Variants in SLC3A2 observed in about 807,000 individuals in gnomAD.
SLC3A2 encodes the protein solute carrier family 3 member 2, also known as amino acid transporter heavy chain SLC3A2.
SLC3A2 carries 32 observed loss-of-function variants against 48.5 expected under a neutral mutation model. That is an observed-to-expected ratio of 0.66 (90% CI 0.50 to 0.89). The LOEUF (loss-of-function observed/expected upper bound fraction) is 0.89, where lower values mean the gene tolerates loss of function less well. Among genes scored for constraint, SLC3A2 ranks in the 40% least tolerant of loss-of-function variants. The probability of loss-of-function intolerance (pLI) is 0.00; values close to 1 mark genes in which losing one functional copy is unlikely to be tolerated. For missense variants in SLC3A2, 587 were observed against 680.7 expected (o/e 0.86, Z 1.53); for synonymous variants, 277 against 288.8 (o/e 0.96, Z 0.41).
At chr11:62,884,847 T>C (rs1369043382) in intron 5 of SLC3A2, among the ~76,000 whole-genome samples, 157 bp downstream of exon 5, 1 of 84,636 alleles carries the variant, frequency 1.2e-5, no homozygotes, top group African/African-American at 3.7e-5. Flanking sequence ...TTTTTTTTTT[T>C]TGAGATGGAG....
Position 62,874,602 on chromosome 11 carries a change from G to A in SLC3A2, c.113-6417G>A, listed in dbSNP as rs576529110. Among the ~76,000 whole-genome samples the A allele has an allele frequency of 5.3e-5, 8 of 152,210 alleles. No homozygotes were observed. In the East Asian group the frequency reaches 1.3e-3, roughly 26 times the overall value. On this transcript the variant is annotated intron_variant, in intron 1 of 9. Coordinates refer to the SLC3A2 transcript ENST00000377889. ...ACAGGTCTCTTCTTTAGCAGCCAGT[G>A]TCCCTCCTATAGGATTCATAGTAAC...
chr11:62,870,727 T>TA (rs779131845), intron 1 of SLC3A2: 140 of 147,972 alleles, frequency 9.5e-4, no homozygotes, highest in African/African-American at 1.6e-3. Flanking sequence ...TTATTATTAT[T>TA]TTTTTTTTTT....
intron 1 of SLC3A2, chr11:62,870,959 G>T (rs946724978): frequency 3.9e-5 from 6 of 155,332 alleles, no homozygotes; most frequent in Admixed American, 2.0e-4. Flanking sequence ...CTTACTGCAA[G>T]CTCCGCCTCC....
intron 7 of SLC3A2, 124 bp downstream of exon 7, chr11:62,885,732 C>T: frequency 9.3e-7 from 1 of 1,071,112 alleles, no homozygotes; most frequent in Admixed American, 2.2e-5. Flanking sequence ...TAGTCAGTAG[C>T]TGAGTGGCTA....
chr11:62,882,738 C>T (rs962248581), intron 2 of SLC3A2, 170 bp from the exon 3 acceptor site: 11 of 626,826 alleles, frequency 1.8e-5, no homozygotes, highest in South Asian at 1.6e-4. Context: ...TATCTTAAGG[C>T]CCTTCCTTGC....
chr11:62,856,360 C>A (rs1173658006), exon 1 of SLC3A2: 4 of 1,612,316 alleles, frequency 2.5e-6, no homozygotes, highest in Non-Finnish European at 3.4e-6. Flanking sequence ...TGTCCAGGGT[C>A]TCAGCGCGGG....
At chr11:62,856,266 C>T in exon 1 of SLC3A2, 1 of 1,607,374 alleles carries the variant, frequency 6.2e-7, no homozygotes, top group Non-Finnish European at 8.5e-7. Flanking sequence ...CAGGATCCGC[C>T]TCCATGGAGC....
At chr11:62,883,418 T>G (rs2085668446) in intron 3 of SLC3A2, 1 of 194,514 alleles carries the variant, frequency 5.1e-6, no homozygotes, top group East Asian at 1.2e-4. Context: ...TGGGACTCTA[T>G]GCCAAGTATT....
chr11:62,856,207 C>G, exon 1 of SLC3A2: 1 of 1,361,534 alleles, frequency 7.3e-7, no homozygotes, highest in South Asian at 1.3e-5. Flanking sequence ...TGCCTACCCT[C>G]TAACCCTGTT....
chr11:62,883,089 C>A, intron 3 of SLC3A2, 90 bp downstream of exon 3: 1 of 1,202,008 alleles, frequency 8.3e-7, no homozygotes, highest in Non-Finnish European at 1.2e-6. Context: ...AGCCTGACTC[C>A]AGCTGAGGGT....
intron 1 of SLC3A2, among the ~76,000 whole-genome samples, chr11:62,862,683 A>T (rs1202021795): frequency 6.6e-6 from 1 of 152,080 alleles, no homozygotes; most frequent in Non-Finnish European, 1.5e-5. Context: ...AGTTTTTTTC[A>T]GTTTGCCTCT....
At chr11:62,879,923 A>C (rs2085611104), upstream of SLC3A2, among the ~76,000 whole-genome samples, 1 of 152,196 alleles carries the variant, frequency 6.6e-6, no homozygotes, top group Non-Finnish European at 1.5e-5. Flanking sequence ...AGCTGCCTCC[A>C]AGGCCTAACA....
intron 2 of SLC3A2, chr11:62,882,332 G>T: frequency 5.0e-6 from 2 of 401,534 alleles, no homozygotes; most frequent in Non-Finnish European, 4.5e-6. Context: ...TAAACCAGTG[G>T]TTTTAAACTT....
upstream of SLC3A2, among the ~76,000 whole-genome samples, chr11:62,877,434 G>A (rs531561848): frequency 5.3e-5 from 8 of 152,296 alleles, no homozygotes; most frequent in South Asian, 2.1e-4. Flanking sequence ...AAACACTTGC[G>A]AAGTGCCTAC....
At chr11:62,888,292 G>T (rs764939876) in intron 8 of SLC3A2, 39 bp from the exon 9 acceptor site, 114 of 1,608,998 alleles carry the variant, frequency 7.1e-5, no homozygotes, top group Non-Finnish European at 9.4e-5. Flanking sequence ...ACCCAGGGGA[G>T]CCCCTCACAC....
At position 62,881,399 on chromosome 11, in the gene SLC3A2, A is replaced by G; in HGVS notation, c.376A>G (p.Ile126Val). The part of the protein sequence containing the change: ...KWWHTGALYR[I>V]GDLQAFQGHG... ...GTGGCACACGGGCGCCCTCTACCGC[A>G]TCGGCGACCTTCAGGCCTTCCAGGG... The change falls in exon 1 of 9, where the codon ATC becomes GTC. Residue 126 changes from isoleucine (I) to valine (V), a missense_variant. Ile to Val is a conservative substitution (Grantham distance 29, BLOSUM62 3). Transcript: ENST00000338663. The surrounding 1 kb of genome is among the most constrained non-coding windows in gnomAD (Gnocchi z 4.0). The G allele has an allele frequency of 1.3e-6, 2 of 1,595,898 alleles. No homozygotes were observed. The highest frequency in any genetic ancestry group is 2.2e-5 in the East Asian group (1 of 44,628).
Position 62,884,691 on chromosome 11 carries a change from G to A in SLC3A2, c.818+1G>A. 1 of 1,599,384 alleles carries A rather than the reference G, an allele frequency of 6.3e-7. No individual in the cohort carries two copies. Among genetic ancestry groups the A allele is most frequent in the Non-Finnish European group, 8.5e-7 (1 of 1,170,898 alleles). ...TCACCAAGGGCTTCAGTGAAGACAG[G>A]TGGGTGCAGGAGCCATTCTGCTGAC... On this transcript the variant is annotated splice_donor_variant, in intron 5 of 8. Transcript: ENST00000338663. LOFTEE classifies it high-confidence loss of function.
intron 3 of SLC3A2, 120 bp from the exon 4 acceptor site, chr11:62,884,337 C>A: frequency 9.4e-7 from 1 of 1,066,878 alleles, no homozygotes; most frequent in South Asian, 1.3e-5. Flanking sequence ...CCAGGCAAGG[C>A]ACAGGACTCT....
At chr11:62,860,389 C>T (rs1031383224) in intron 1 of SLC3A2, among the ~76,000 whole-genome samples, 6 of 151,068 alleles carry the variant, frequency 4.0e-5, no homozygotes, top group Non-Finnish European at 7.4e-5. Context: ...CCTGTAGTCC[C>T]AGCTACTTGG....
Sources: allele counts gnomAD v4.1 joint callset (sites outside exome capture counted in the v4.1 genomes callset), GRCh38; gene constraint gnomAD v4.1.1; non-coding constraint Gnocchi (gnomAD v3.1); transcripts MANE v1.5; gene names NCBI Gene and HGNC (gene_info 2026-07-23, HGNC 2026-07-21).